Variants in RPGR observed in about 807,000 individuals in gnomAD.
RPGR encodes the protein retinitis pigmentosa GTPase regulator.
Under a neutral mutation model 56.3 loss-of-function variants are expected in RPGR, and 10 were observed. The observed-to-expected ratio is 0.18, with a 90% CI of 0.11 to 0.30. The LOEUF is 0.30. RPGR is among the 10% of genes least tolerant of loss of function. RPGR has a pLI of 1.00. For missense variants in RPGR, 538 were observed against 590.9 expected (o/e 0.91, Z 0.93); for synonymous variants, 197 against 212.9 (o/e 0.93, Z 0.65).
chrX:38,288,905 C>T (rs948012084), intron 13 of RPGR, among the ~76,000 whole-genome samples: 1 of 109,872 alleles, frequency 9.1e-6, no homozygotes, highest in Non-Finnish European at 1.9e-5. Flanking sequence ...CCTCAGCTTC[C>T]TGAGTAGCTG....
intron 3 of RPGR, among the ~76,000 whole-genome samples, chrX:38,321,608 A>G (rs1006013049): frequency 2.7e-5 from 3 of 109,365 alleles, no homozygotes; most frequent in African/African-American, 1.0e-4. Context: ...TGCAGTAAGC[A>G]GAGATCACAC....
At chrX:38,288,333 C>T (rs1269373098) in intron 13 of RPGR, among the ~76,000 whole-genome samples, 2 of 112,192 alleles carry the variant, frequency 1.8e-5, no homozygotes, top group East Asian at 5.5e-4. Context: ...TCAATATTTA[C>T]TCTCTGCCTC....
At chrX:38,304,554 T>A (rs1195345588) in intron 8 of RPGR, 81 bp downstream of exon 8, 1 of 786,978 alleles carries the variant, frequency 1.3e-6, no homozygotes, top group Non-Finnish European at 1.9e-6. Flanking sequence ...TTAAGTTAGA[T>A]ACATTCATTT....
chrX:38,310,838 T>C, intron 6 of RPGR, 65 bp from the exon 7 acceptor site: 5 of 1,101,037 alleles, frequency 4.5e-6, no homozygotes, highest in Non-Finnish European at 6.2e-6. Context: ...GGTCTTACCG[T>C]CAAAAAAAAG....
At position 38,299,056 on chromosome X, in the gene RPGR, T is replaced by A. The variant is rs757714144; in HGVS notation, c.1145A>T (p.Asp382Val). 2.1e-5 allele frequency: 26 copies of A among 1,209,826 alleles called. No individual in the cohort carries two copies. The South Asian group carries it at 4.6e-4, about 21-fold the overall frequency. ...AAAAGTCGCCACAGATAAGCAAGTA[T>A]CATTTATTTCATCGAATTCAATTTC... is the stretch of plus-strand genomic sequence containing the variant. Residue 382 changes from aspartate (D) to valine (V), a missense_variant, in exon 10 of 19, where the codon GAT becomes GTT. Asp to Val is a radical substitution (Grantham distance 152). Around this residue, in one of 2 missense-constraint regions of RPGR, gnomAD observed 357 missense variants for 325.8 expected, o/e 1.10. Coordinates refer to ENST00000642395, the MANE Select transcript of RPGR (RefSeq NM_000328.3).
chrX:38,288,994 C>G (rs937753218), intron 13 of RPGR, among the ~76,000 whole-genome samples: 1 of 110,407 alleles, frequency 9.1e-6, no homozygotes, highest in African/African-American at 3.3e-5. Context: ...GATGGCCAGG[C>G]TAGTCTCGAA....
intron 8 of RPGR, chrX:38,303,592 C>G: frequency 3.6e-6 from 1 of 276,273 alleles, no homozygotes; most frequent in Non-Finnish European, 6.4e-6. Context: ...CACAACAACT[C>G]TTAGTGGATG....
chrX:38,295,878 C>T (rs761697672), intron 11 of RPGR: 1 of 112,021 alleles, frequency 8.9e-6, no homozygotes, highest in Non-Finnish European at 1.9e-5. Context: ...TTCTGATCTC[C>T]TGGTCCTGGT....
chrX:38,298,740 T>A (rs993259015), intron 10 of RPGR, among the ~76,000 whole-genome samples: 1 of 112,084 alleles, frequency 8.9e-6, no homozygotes, highest in Admixed American at 9.5e-5. Flanking sequence ...TTTCTATAAT[T>A]TAAATTTTCT....
intron 1 of RPGR, among the ~76,000 whole-genome samples, chrX:38,325,539 T>C (rs2147297345): frequency 8.9e-6 from 1 of 112,289 alleles, no homozygotes; most frequent in East Asian, 2.8e-4. Flanking sequence ...GATCCAGTTA[T>C]AAAATGAAAA....
At position 38,287,927 on chromosome X, in the gene RPGR, C is replaced by T. The variant is rs148334278; in HGVS notation, c.1687G>A (p.Val563Met). The T allele has an allele frequency of 8.1e-5, 98 of 1,209,467 alleles. No individual in the cohort carries two copies. Among genetic ancestry groups the T allele is most frequent in the Non-Finnish European group, 1.0e-4 (92 of 894,864 alleles). ...TGCGTCATGAAAATCCCTTGTGACA[C>T]ATGTTGTTTACATGCTTTCCCTTCT... The change falls in exon 14 of 19, where the codon GTG becomes ATG. Residue 563 changes from valine (V) to methionine (M), a missense_variant. By Grantham distance (21) the Val-to-Met change is conservative (BLOSUM62 1). Around this residue, in one of 2 missense-constraint regions of RPGR, gnomAD observed 357 missense variants for 325.8 expected, o/e 1.10. Coordinates refer to ENST00000642395, the MANE Select transcript of RPGR (RefSeq NM_000328.3).
At chrX:38,284,407 ATACATT>A in intron 15 of RPGR, 1 of 711,149 alleles carries the variant, frequency 1.4e-6, no homozygotes, top group Non-Finnish European at 1.7e-6. Flanking sequence ...TTCTGACTAT[ATACATT>A]TAATTTTTTA....
At chrX:38,301,012 G>A (rs772876877) in intron 9 of RPGR, among the ~76,000 whole-genome samples, 1 of 111,802 alleles carries the variant, frequency 8.9e-6, no homozygotes, top group South Asian at 3.8e-4. Context: ...TGAGAATGAA[G>A]CAGAAGAGAC....
chrX:38,282,777 T>TCAGCAGCAGCAG (rs749108562), intron 15 of RPGR, among the ~76,000 whole-genome samples: 7 of 105,788 alleles, frequency 6.6e-5, no homozygotes, highest in South Asian at 8.6e-4. Context: ...CTGCTGCTGT[T>TCAGCAGCAGCAG]CAGCAGCAGC....
In RPGR at chrX:38,286,482, TTCCTCCTCTTCCCCCTCACCC is replaced by T. The variant is rs1569236939; in HGVS notation, c.1905+591_1905+611del. The T allele has an allele frequency of 2.4e-5, 11 of 462,891 alleles. No homozygotes were observed. In the African/African-American group the frequency reaches 3.6e-4, roughly 15 times the overall value. 38.1% of individuals were successfully genotyped at this position (462,891 alleles called of 1,213,427 possible). A position where few individuals can be genotyped will look rare whatever the true frequency, so the allele number is the denominator to read the frequency against. ...CCCCTTCCTCCTCTTCCCCCTCCCC[TTCCTCCTCTTCCCCCTCACCC>T]TCCTCCTCTTCCTCTTCCCTCTCTC... On this transcript the variant is annotated intron_variant, in intron 15 of 18. Coordinates refer to ENST00000642395, the MANE Select transcript of RPGR (RefSeq NM_000328.3).
intron 6 of RPGR, 66 bp downstream of exon 6, chrX:38,317,245 ATCATT>A: frequency 5.0e-6 from 5 of 1,007,892 alleles, no homozygotes; most frequent in Non-Finnish European, 7.0e-6. Context: ...CAGAGACTAT[ATCATT>A]TCATTATTAA....
At chrX:38,285,635 T>C in intron 15 of RPGR, 1 of 1,211,624 alleles carries the variant, frequency 8.3e-7, no homozygotes. Flanking sequence ...TGGACTGGCA[T>C]TTTGGACCTC....
In RPGR at chrX:38,323,356, T is replaced by C. The variant is rs187358740; in HGVS notation, c.154+43A>G. Reference sequence around the variant, plus strand: ...CATATCTATAACAAAATATTTAGAATTTTCTAAGTATTACTGTCCTTATTC... The same window carrying C: ...CATATCTATAACAAAATATTTAGAACTTTCTAAGTATTACTGTCCTTATTC... On this transcript the variant is annotated intron_variant, in intron 2 of 18. Coordinates refer to ENST00000642395, the MANE Select transcript of RPGR (RefSeq NM_000328.3). The C allele has an allele frequency of 5.9e-4, 658 of 1,117,443 alleles. No individual in the cohort carries two copies. Among genetic ancestry groups the C allele is most frequent in the South Asian group, 4.5e-3 (233 of 52,281 alleles). 92.1% of individuals were successfully genotyped at this position (1,117,443 alleles called of 1,213,427 possible). A position where few individuals can be genotyped will look rare whatever the true frequency, so the allele number is the denominator to read the frequency against.
chrX:38,290,790 T>C (rs900451766), intron 13 of RPGR, among the ~76,000 whole-genome samples, 169 bp downstream of exon 13: 1 of 111,153 alleles, frequency 9.0e-6, no homozygotes, highest in African/African-American at 3.3e-5. Context: ...AGAAAATACA[T>C]ACCATCAGAA....
Sources: gnomAD v4.1 joint callset for allele counts (sites outside exome capture counted in the v4.1 genomes callset) on GRCh38, gnomAD v4.1.1 for gene constraint, gnomAD v4.1.1 regional missense constraint, MANE v1.5 for transcripts, NCBI Gene and HGNC (gene_info 2026-07-23, HGNC 2026-07-21) for gene names.